Variants in SLC7A14 observed in about 807,000 individuals in gnomAD.
SLC7A14 encodes solute carrier family 7 member 14.
In SLC7A14, 37 loss-of-function variants were observed where a neutral mutation model predicts 60.2. The ratio of observed to expected loss-of-function variants is 0.61; its 90% CI spans 0.47 to 0.81. The LOEUF (loss-of-function observed/expected upper bound fraction) is 0.81, where lower values mean the gene tolerates loss of function less well. Among genes scored for constraint, SLC7A14 ranks in the 30% least tolerant of loss-of-function variants. The pLI is 0.00. For missense variants in SLC7A14, 886 were observed against 982.7 expected (o/e 0.90, Z 1.32); for synonymous variants, 399 against 395.8 (o/e 1.01, Z -0.10).
intron 1 of SLC7A14, chr3:170,569,989 GT>G (rs1200038579): frequency 6.6e-6 from 1 of 152,076 alleles, no homozygotes; most frequent in Admixed American, 6.6e-5. Context: ...TTTTTGAAGG[GT>G]TTTTTAGTTT....
chr3:170,560,602 G>A (rs973255151), intron 1 of SLC7A14, among the ~76,000 whole-genome samples: 4 of 152,068 alleles, frequency 2.6e-5, no homozygotes, highest in Non-Finnish European at 5.9e-5. Flanking sequence ...GCACTAGCAC[G>A]GATGCACAGA....
intron 1 of SLC7A14, among the ~76,000 whole-genome samples, chr3:170,581,219 T>C (rs1715224499): frequency 6.6e-6 from 1 of 152,202 alleles, no homozygotes; most frequent in African/African-American, 2.4e-5. Context: ...TTCTGATTGA[T>C]CTATGAGAAT....
At chr3:170,580,454 A>G (rs571155251) in intron 1 of SLC7A14, among the ~76,000 whole-genome samples, 17 of 152,296 alleles carry the variant, frequency 1.1e-4, no homozygotes, top group African/African-American at 4.1e-4. Context: ...ACGCCCAACA[A>G]CATATGTTTA....
chr3:170,575,273 T>A (rs1029158656), intron 1 of SLC7A14, among the ~76,000 whole-genome samples: 7 of 152,220 alleles, frequency 4.6e-5, no homozygotes, highest in Non-Finnish European at 8.8e-5. Flanking sequence ...ATAATTTATA[T>A]GCAAGCATGA....
intron 2 of SLC7A14, among the ~76,000 whole-genome samples, chr3:170,508,870 A>G (rs1372938976): frequency 6.6e-6 from 1 of 152,100 alleles, no homozygotes; most frequent in East Asian, 1.9e-4. Flanking sequence ...TCTCAGAAAC[A>G]TTTGTTTTCT....
At chr3:170,468,071 G>C (rs1739772353) in intron 7 of SLC7A14, among the ~76,000 whole-genome samples, 1 of 151,990 alleles carries the variant, frequency 6.6e-6, no homozygotes, top group African/African-American at 2.4e-5. Flanking sequence ...ATCTGCACAG[G>C]GTCGTAGACT....
rs1227648182 is a variant in SLC7A14 at position 170,505,233 on chromosome 3, A to G, written c.305-3888T>C. Among the ~76,000 whole-genome samples, 5 of 152,150 alleles carry G rather than the reference A, an allele frequency of 3.3e-5. 1 individual carries two copies. On this transcript the variant is annotated intron_variant, in intron 2 of 7. Coordinates refer to ENST00000231706, the MANE Select transcript of SLC7A14 (RefSeq NM_020949.3). ...ATCATCATTTTGGAAGACCATCATC[A>G]ACAACAATGTTATTCATGGACTTTG...
rs1013102497 is a variant in SLC7A14, at chr3:170,500,958, A to G, written c.541+151T>C. 5.8e-6 allele frequency: 4 copies of G among 692,308 alleles called. No homozygotes were observed. In the Admixed American group the frequency reaches 7.9e-5, roughly 14 times the overall value. 42.9% of individuals were successfully genotyped at this position (692,308 alleles called of 1,614,324 possible). A position where few individuals can be genotyped will look rare whatever the true frequency, so the allele number is the denominator to read the frequency against. On this transcript the variant is annotated intron_variant, in intron 3 of 7. Transcript: ENST00000231706. ...AGAATTATTTTTTAAGGATGGATAG[A>G]TTCATAGAGAAAGAATTACTTTGCA...
intron 7 of SLC7A14, among the ~76,000 whole-genome samples, chr3:170,475,345 T>C (rs78577578): frequency 0.012 from 1,773 of 152,326 alleles, 13 homozygotes; most frequent in Non-Finnish European, 0.019. Context: ...CATGTAAATC[T>C]TCAGTTTCAT....
At chr3:170,568,642 G>A (rs1044347482) in intron 1 of SLC7A14, among the ~76,000 whole-genome samples, 4 of 152,228 alleles carry the variant, frequency 2.6e-5, no homozygotes, top group African/African-American at 4.8e-5. Flanking sequence ...CTACCCATGA[G>A]CATGGAATGT....
chr3:170,507,567 G>A (rs779656406), intron 2 of SLC7A14, among the ~76,000 whole-genome samples: 2 of 152,108 alleles, frequency 1.3e-5, no homozygotes, highest in Non-Finnish European at 2.9e-5. Context: ...TCAGGCAGGC[G>A]AAAAGGTGTA....
At chr3:170,501,398 C>G in intron 2 of SLC7A14, 53 bp from the exon 3 acceptor site, 1 of 1,479,184 alleles carries the variant, frequency 6.8e-7, no homozygotes, top group Non-Finnish European at 9.4e-7. Flanking sequence ...GAGCTGACAT[C>G]CTGTGGCCAA....
At chr3:170,486,463 T>A in intron 4 of SLC7A14, 95 bp from the exon 5 acceptor site, 1 of 1,507,782 alleles carries the variant, frequency 6.6e-7, no homozygotes, top group Admixed American at 1.7e-5. Flanking sequence ...CCTGCAGACA[T>A]GACTGAGTGG....
At chr3:170,583,618 G>T (rs1219133307) in intron 1 of SLC7A14, among the ~76,000 whole-genome samples, 1 of 152,202 alleles carries the variant, frequency 6.6e-6, no homozygotes, top group African/African-American at 2.4e-5. Flanking sequence ...TAAAACGATG[G>T]TGCTAAATGA....
intron 2 of SLC7A14, among the ~76,000 whole-genome samples, chr3:170,524,328 A>G (rs1713427912): frequency 6.6e-6 from 1 of 152,212 alleles, no homozygotes; most frequent in African/African-American, 2.4e-5. Flanking sequence ...CCAGCATAAC[A>G]CAGTCTGGAC....
Position 170,480,695 on chromosome 3 carries a change from A to T in SLC7A14, c.1587T>A (p.Tyr529Ter). The change falls in exon 7 of 8, where the codon TAT (tyrosine) becomes TAA (stop). Residue 529 changes from tyrosine to a stop codon, truncating the protein, a stop_gained. Coordinates refer to ENST00000231706, the MANE Select transcript of SLC7A14 (RefSeq NM_020949.3). LOFTEE classifies it high-confidence loss of function. The stretch of plus-strand genomic sequence containing the variant: ...CAATCAGCTTCTTTAACTTGATGAG[A>T]TAAATATTTTCGGATTCATCAGCTT... ...GIEADESENI[Y>*]LIKLKKLIGP... The T allele has an allele frequency of 6.2e-7, 1 of 1,614,200 alleles. No homozygotes were observed. Among genetic ancestry groups the T allele is most frequent in the Non-Finnish European group, 8.5e-7 (1 of 1,180,044 alleles).
chr3:170,570,226 G>C (rs1290828743), intron 1 of SLC7A14: 1 of 152,190 alleles, frequency 6.6e-6, no homozygotes, highest in African/African-American at 2.4e-5. Flanking sequence ...GCAGATGACT[G>C]CTTGAGCCTA....
rs577069927 is a variant in SLC7A14 at position 170,550,839 on chromosome 3, A to T, written c.-152-23751T>A. 5.3e-5 allele frequency among the ~76,000 whole-genome samples: 8 copies of T among 152,188 alleles called. No individual in the cohort carries two copies. The South Asian group carries it at 8.3e-4, about 16-fold the overall frequency. On this transcript the variant is annotated intron_variant, in intron 1 of 7. Transcript: ENST00000231706. ...GCCCAACCATCTTTCCTTGATTTGT[A>T]TATTGGTTGCCTTTCTGAAAAATTC...
intron 1 of SLC7A14, among the ~76,000 whole-genome samples, chr3:170,546,653 T>C (rs564558744): frequency 2.0e-4 from 30 of 152,330 alleles, no homozygotes; most frequent in Non-Finnish European, 3.1e-4. Context: ...AGCTGCCTCC[T>C]GGAGTAATCC....
Sources: gnomAD v4.1 joint callset for allele counts (sites outside exome capture counted in the v4.1 genomes callset) on GRCh38, gnomAD v4.1.1 for gene constraint, MANE v1.5 for transcripts, NCBI Gene and HGNC (gene_info 2026-07-23, HGNC 2026-07-21) for gene names.